The following PHIP variants were observed in gnomAD, a reference collection of about 807,000 sequenced individuals.
PHIP encodes PHIP subunit of CUL4-Ring ligase complex, also known as PH-interacting protein.
In PHIP, 54 loss-of-function variants were observed where a neutral mutation model predicts 236.8. The ratio of observed to expected loss-of-function variants is 0.23; its 90% CI spans 0.18 to 0.29. The LOEUF is 0.29. Among genes scored for constraint, PHIP ranks in the 10% least tolerant of loss-of-function variants. The pLI, the probability that PHIP is intolerant of heterozygous loss-of-function variation, is 1.00. For synonymous variants in PHIP, 756 were observed against 718.9 expected, an observed-to-expected ratio of 1.05 and a Z score of -0.83; for missense variants, 1,370 against 2,190.8, an observed-to-expected ratio of 0.63 and a Z score of 7.48.
At chr6:78,974,311 A>T (rs1767873649) in intron 24 of PHIP, among the ~76,000 whole-genome samples, 1 of 151,980 alleles carries the variant, frequency 6.6e-6, no homozygotes, top group South Asian at 2.1e-4. Context: ...AGAAATAAAG[A>T]TGTTCTTTGA....
chr6:78,973,169 A>T (rs1767739007), intron 24 of PHIP, among the ~76,000 whole-genome samples: 1 of 152,222 alleles, frequency 6.6e-6, no homozygotes, highest in Admixed American at 6.5e-5. Flanking sequence ...TTAGACTAAC[A>T]GCGGATCTCT....
At position 79,003,757 on chromosome 6, in the gene PHIP, G is replaced by A; in HGVS notation, c.1626C>T (p.Gly542=). The A allele has an allele frequency of 6.2e-7, 1 of 1,607,056 alleles. No homozygotes were observed. Among genetic ancestry groups the A allele is most frequent in the Non-Finnish European group, 8.5e-7 (1 of 1,176,964 alleles). ...TGTCATATTTGCTACTGGACCCAAA[G>A]CCAAAAATTAAAAGATGTCCATGAG... ...TDSHGHLLIF[G]FGSSSKYDKI... is the part of the protein sequence containing the mutation. Residue 542 remains glycine, a synonymous_variant, in exon 16 of 40, where the codon GGC becomes GGT. Transcript: ENST00000275034.
chr6:78,996,045 T>C (rs534990771), intron 19 of PHIP, among the ~76,000 whole-genome samples: 14 of 152,294 alleles, frequency 9.2e-5, no homozygotes, highest in South Asian at 6.2e-4. Flanking sequence ...GAGAAATAAA[T>C]CTTCCTCACT....
At position 79,017,770 on chromosome 6, in the gene PHIP, C is replaced by CTT. The variant is rs573691737; in HGVS notation, c.995-188_995-187insAA. 6.3e-4 allele frequency among the ~76,000 whole-genome samples: 96 copies of CTT among 151,974 alleles called. 1 individual carries two copies. The South Asian group carries it at 8.1e-3, about 13-fold the overall frequency. On this transcript the variant is annotated intron_variant, in intron 10 of 39. Transcript: ENST00000275034. Reference sequence around the variant, plus strand: ...TTAAGAAAGAAGTTTATGAATATATCTGACTAGAATGAATTTTTCAATATT... The same window carrying CTT: ...TTAAGAAAGAAGTTTATGAATATATCTTTGACTAGAATGAATTTTTCAATATT...
At chr6:78,965,628 T>C (rs1767077620) in intron 29 of PHIP, 75 bp downstream of exon 29, 1 of 822,384 alleles carries the variant, frequency 1.2e-6, no homozygotes, top group African/African-American at 1.7e-5. Context: ...AGTGGTAGCA[T>C]GTTAGCAAAT....
chr6:78,978,621 A>T lies in PHIP; in HGVS notation c.2860T>A (p.Cys954Ser). Reference sequence around the variant, plus strand: ...TCACCCATCTGTGGCACAAATGGACATCTTCGGGGAATGGTATCTGTAATC... The same window carrying T: ...TCACCCATCTGTGGCACAAATGGACTTCTTCGGGGAATGGTATCTGTAATC... The part of the protein sequence containing the change: ...TWITDTIPRR[C>S]PFVPQMGDEV... Residue 954 changes from cysteine (C) to serine (S), a missense_variant, in exon 24 of 40, where the codon TGT becomes AGT. Cys to Ser is a moderately radical substitution (Grantham distance 112). Transcript: ENST00000275034. The T allele has an allele frequency of 1.9e-6, 3 of 1,592,064 alleles. No homozygotes were observed. Among genetic ancestry groups the T allele is most frequent in the Non-Finnish European group, 2.6e-6 (3 of 1,164,868 alleles).
intron 14 of PHIP, 60 bp from the exon 15 acceptor site, chr6:79,015,276 A>G: frequency 7.6e-7 from 1 of 1,320,870 alleles, no homozygotes. Context: ...AAAAACAAAC[A>G]TAATGAAATA....
intron 21 of PHIP, 139 bp downstream of exon 21, chr6:78,988,070 T>C: frequency 2.0e-6 from 1 of 491,198 alleles, no homozygotes; most frequent in Non-Finnish European, 3.4e-6. Flanking sequence ...TTTTAGAAAA[T>C]AAAAGCTGTA....
At chr6:78,994,014 G>C (rs775348205) in intron 19 of PHIP, among the ~76,000 whole-genome samples, 5 of 152,292 alleles carry the variant, frequency 3.3e-5, no homozygotes, top group Non-Finnish European at 7.4e-5. Flanking sequence ...CTGTTAACAG[G>C]AGTTTGAAAG....
In PHIP at chr6:79,001,902, A is replaced by C. The variant is rs2127731648; in HGVS notation, c.1876T>G (p.Ser626Ala). 1 of 1,598,556 alleles carries C rather than the reference A, an allele frequency of 6.3e-7. No homozygotes were observed. Residue 626 changes from serine to alanine, a missense_variant, in exon 17 of 40, where the codon TCA (serine) becomes GCA (alanine). Ser to Ala is a moderately conservative substitution (Grantham distance 99). Transcript: ENST00000275034. ...GTCTAAGAAAATGAGCACCTACCTG[A>C]GGAAGTTACTCCCATCTGAGGGATG... ...QLIPQMGVTS[S>A]GLNQVLSQQA...
At position 78,947,656 on chromosome 6, in the gene PHIP, A is replaced by G; in HGVS notation, c.4173T>C (p.Asn1391=). Residue 1391 remains asparagine, a synonymous_variant, in exon 36 of 40, where the codon AAT becomes AAC. Coordinates refer to ENST00000275034, the MANE Select transcript of PHIP (RefSeq NM_017934.7). ...TTTTGCTTGGTGTATATGCTTTGGA[A>G]TTACTGAAAATAAGTCTGACATCTT... ...LCKDVRLIFS[N]SKAYTPSKRS... is the part of the protein sequence containing the mutation. The G allele has an allele frequency of 6.7e-7, 1 of 1,498,024 alleles. No individual in the cohort carries two copies. Among genetic ancestry groups the G allele is most frequent in the Non-Finnish European group, 9.3e-7 (1 of 1,075,456 alleles). 92.8% of individuals were successfully genotyped at this position (1,498,024 alleles called of 1,614,324 possible). A position where few individuals can be genotyped will look rare whatever the true frequency, so the allele number is the denominator to read the frequency against.
rs556781504 is a variant in PHIP, at chr6:78,946,174, G to A, written c.4457C>T (p.Pro1486Leu). 4.9e-5 allele frequency: 79 copies of A among 1,613,846 alleles called. No individual in the cohort carries two copies. The highest frequency in any genetic ancestry group is 1.6e-4 in the Middle Eastern group (1 of 6,062). Reference protein sequence around the residue: ...SAFSTPTRSIPPRHNAAQING... With the variant: ...SAFSTPTRSILPRHNAAQING... ...TATCTGAGCAGCATTGTGTCTTGGC[G>A]GTATTGATCGTGTAGGTGTAGAGAA... The change falls in exon 38 of 40, where the codon CCG (proline) becomes CTG (leucine). Residue 1486 changes from proline (P) to leucine (L), a missense_variant. Around this residue, in one of 14 missense-constraint regions of PHIP, gnomAD observed 309 missense variants for 328.3 expected, o/e 0.94. Coordinates refer to ENST00000275034, the MANE Select transcript of PHIP (RefSeq NM_017934.7).
At position 78,983,115 on chromosome 6, in the gene PHIP, T is replaced by A. The variant is rs753647059; in HGVS notation, c.2540A>T (p.Asp847Val). The A allele has an allele frequency of 1.3e-6, 2 of 1,548,608 alleles. No homozygotes were observed. Among genetic ancestry groups the A allele is most frequent in the South Asian group, 2.4e-5 (2 of 83,832 alleles). ...CCAGTCAGAGTAATCACTGGAGTAG[T>A]CACTAGAAGGAGAGAAGGGATTATT... ...RAWHSDGSSS[D>V]YSSDYSDWTA... Residue 847 changes from aspartate (D) to valine (V), a missense_variant and splice_region_variant, in exon 23 of 40, where the codon GAC becomes GTC. Asp to Val is a radical substitution (Grantham distance 152, BLOSUM62 -3). This residue lies in a region of PHIP where 4 missense variants were observed against 20.4 expected (regional missense o/e 0.20). Transcript: ENST00000275034.
intron 29 of PHIP, among the ~76,000 whole-genome samples, chr6:78,965,146 A>G (rs1767048834): frequency 6.6e-6 from 1 of 152,178 alleles, no homozygotes; most frequent in African/African-American, 2.4e-5. Context: ...ATCTTCATTG[A>G]GCTCTTATAT....
intron 22 of PHIP, among the ~76,000 whole-genome samples, 197 bp downstream of exon 22, chr6:78,985,155 C>T (rs913684176): frequency 1.3e-5 from 2 of 151,838 alleles, no homozygotes; most frequent in Non-Finnish European, 2.9e-5. Flanking sequence ...CATCATTTTG[C>T]AGATCTAGTT....
rs545229166 is a variant in PHIP at position 79,030,441 on chromosome 6, AAAGT to A, written c.601-4281_601-4278del. 6.3e-4 allele frequency among the ~76,000 whole-genome samples: 96 copies of A among 152,330 alleles called. 1 individual carries two copies. The South Asian group carries it at 8.1e-3, about 13-fold the overall frequency. On this transcript the variant is annotated intron_variant, in intron 7 of 39. Coordinates refer to ENST00000275034, the MANE Select transcript of PHIP (RefSeq NM_017934.7). ...ATTGCTGCTCGGGCTAGGAATTGGC[AAAGT>A]AAGAAAACTTGAAAGTACAAAGTGT...
chr6:79,060,837 A>G lies in PHIP; in HGVS notation c.190-19T>C. ...ACTTCACCTATTATGTAAAAGACAAATATAGTAGGTTTCAGTTTATCATTT... is the reference window on the plus strand; with the variant it reads ...ACTTCACCTATTATGTAAAAGACAAGTATAGTAGGTTTCAGTTTATCATTT... On this transcript the variant is annotated intron_variant, in intron 4 of 39. Coordinates refer to ENST00000275034, the MANE Select transcript of PHIP (RefSeq NM_017934.7). 1 of 1,500,846 alleles carries G rather than the reference A, an allele frequency of 6.7e-7. No individual in the cohort carries two copies. The highest frequency in any genetic ancestry group is 1.3e-5 in the South Asian group (1 of 79,558). The allele number at this position is 1,500,846 out of a possible 1,614,324, so 93.0% of individuals were successfully genotyped here.
intron 15 of PHIP, among the ~76,000 whole-genome samples, chr6:79,005,870 CA>C (rs1207332184): frequency 1.3e-5 from 2 of 151,934 alleles, no homozygotes; most frequent in African/African-American, 4.8e-5. Flanking sequence ...TATTATTTAT[CA>C]ATGTTGCCAC....
chr6:79,053,516 G>A (rs1003193375), intron 6 of PHIP, among the ~76,000 whole-genome samples: 1 of 152,048 alleles, frequency 6.6e-6, no homozygotes, highest in African/African-American at 2.4e-5. Context: ...GACTTTTGTT[G>A]GAGCCCAATT....
Sources: gnomAD v4.1 joint callset for allele counts (sites outside exome capture counted in the v4.1 genomes callset) on GRCh38, gnomAD v4.1.1 for gene constraint, gnomAD v4.1.1 regional missense constraint, MANE v1.5 for transcripts, NCBI Gene and HGNC (gene_info 2026-07-23, HGNC 2026-07-21) for gene names.